Variants in MGAM2 observed in about 807,000 individuals in gnomAD.
The protein encoded by MGAM2 is maltase-glucoamylase 2 (putative), also known as probable maltase-glucoamylase 2.
A neutral mutation model predicts 96.1 loss-of-function variants in MGAM2; 98 were observed. The ratio of observed to expected loss-of-function variants is 1.02; its 90% CI spans 0.87 to 1.21. The LOEUF (loss-of-function observed/expected upper bound fraction) is 1.21, where lower values mean the gene tolerates loss of function less well. MGAM2 is among the 50% of genes most tolerant of loss of function. The probability of loss-of-function intolerance (pLI) is 0.00; values close to 1 mark genes in which losing one functional copy is unlikely to be tolerated. For missense variants in MGAM2, 2,055 were observed against 1,182.4 expected (o/e 1.74, Z -10.82); for synonymous variants, 749 against 414.8 (o/e 1.81, Z -9.79).
In MGAM2 at chr7:142,136,548, T is replaced by C. The variant is rs138626644; in HGVS notation, c.755T>C (p.Ile252Thr). ...TRDATPTEGM[I>T]NLYGAHTFFL... ...CTTCTGTTTTGCTGATAGGGCATGA[T>C]TAATCTGTATGGAGCTCATACATTC... The change falls in exon 8 of 48, where the codon ATT becomes ACT. Residue 252 changes from isoleucine (I) to threonine (T), a missense_variant. Ile to Thr is a moderately conservative substitution (Grantham distance 89). Transcript: ENST00000477922. 176 of 690,738 alleles carry C rather than the reference T, an allele frequency of 2.5e-4. No homozygotes were observed. In the African/African-American group the frequency reaches 3.0e-3, roughly 12 times the overall value. The allele number at this position is 690,738 out of a possible 1,614,324, so 42.8% of individuals were successfully genotyped here.
chr7:142,201,071 C>CTTTTTTTTTTTTTTTTTTTTTTT lies in MGAM2; in HGVS notation c.5137+1113_5137+1114insTTTTTTTTTTTTTTTTTTTTTTT, dbSNP rs72092512. On this transcript the variant is annotated intron_variant, in intron 45 of 47. Transcript: ENST00000477922. Reference sequence around the variant, plus strand: ...CATTGTTATAAATAACATCCTTTTTCTTTTTTTTTTCTTTTTTTTTTTTTT... The same window carrying CTTTTTTTTTTTTTTTTTTTTTTT: ...CATTGTTATAAATAACATCCTTTTTCTTTTTTTTTTTTTTTTTTTTTTTTTTTTTTTTTCTTTTTTTTTTTTTT... Among the ~76,000 whole-genome samples the CTTTTTTTTTTTTTTTTTTTTTTT allele has an allele frequency of 1.3e-4, 11 of 84,360 alleles. 2 individuals are homozygous for CTTTTTTTTTTTTTTTTTTTTTTT. Among genetic ancestry groups the CTTTTTTTTTTTTTTTTTTTTTTT allele is most frequent in the Non-Finnish European group, 1.3e-4 (6 of 46,992 alleles). 55.3% of individuals were successfully genotyped at this position (84,360 alleles called of 152,430 possible). A position where few individuals can be genotyped will look rare whatever the true frequency, so the allele number is the denominator to read the frequency against.
chr7:142,183,949 CCTT>C (rs1563281532), intron 33 of MGAM2, among the ~76,000 whole-genome samples: 2 of 83,196 alleles, frequency 2.4e-5, no homozygotes, highest in African/African-American at 7.5e-5. Context: ...ATTCCAGGCT[CCTT>C]TTTTTTTTTT....
At chr7:142,124,494 G>T (rs982640344) in intron 3 of MGAM2, among the ~76,000 whole-genome samples, 6 of 152,116 alleles carry the variant, frequency 3.9e-5, no homozygotes, top group African/African-American at 1.2e-4. Flanking sequence ...ATGTGTGGTT[G>T]TAGAAGTCCT....
At chr7:142,161,912 G>C (rs1173643788) in intron 22 of MGAM2, 43 bp from the exon 23 acceptor site, 1 of 663,284 alleles carries the variant, frequency 1.5e-6, no homozygotes, top group Non-Finnish European at 2.7e-6. Context: ...CTCCCTGGCT[G>C]ATTGGCTTCC....
chr7:142,209,856 C>G (rs912662090), intron 46 of MGAM2, among the ~76,000 whole-genome samples: 11 of 152,176 alleles, frequency 7.2e-5, no homozygotes, highest in Non-Finnish European at 1.6e-4. Context: ...TGTGACCAGC[C>G]TAATTTGAAA....
At chr7:142,166,337 AG>A in intron 25 of MGAM2, 84 bp downstream of exon 25, 1 of 597,348 alleles carries the variant, frequency 1.7e-6, no homozygotes, top group South Asian at 2.1e-5. Flanking sequence ...TGTGGCTTGA[AG>A]AAAACCAGGA....
intron 3 of MGAM2, among the ~76,000 whole-genome samples, chr7:142,123,832 G>A (rs1794655404): frequency 6.6e-6 from 1 of 151,864 alleles, no homozygotes; most frequent in African/African-American, 2.4e-5. Flanking sequence ...AGTAATTCTT[G>A]CCTACTCCGA....
intron 45 of MGAM2, chr7:142,208,141 AG>A (rs1323366331): frequency 4.4e-6 from 2 of 458,542 alleles, no homozygotes; most frequent in African/African-American, 4.0e-5. Context: ...ATTAAGTACA[AG>A]AGTTGGGATT....
chr7:142,212,838 A>G (rs1224048427), intron 46 of MGAM2, among the ~76,000 whole-genome samples: 3 of 152,218 alleles, frequency 2.0e-5, no homozygotes, highest in Non-Finnish European at 4.4e-5. Context: ...AGCAGATGTA[A>G]TAGACATCTA....
chr7:142,155,048 T>C (rs1795698127), intron 17 of MGAM2, among the ~76,000 whole-genome samples: 1 of 152,212 alleles, frequency 6.6e-6, no homozygotes, highest in Non-Finnish European at 1.5e-5. Context: ...TGAAAGATTT[T>C]ATTCTTGGAA....
intron 3 of MGAM2, among the ~76,000 whole-genome samples, chr7:142,130,548 A>G (rs1794854871): frequency 6.6e-6 from 1 of 152,008 alleles, no homozygotes; most frequent in South Asian, 2.1e-4. Context: ...CTTACCTTTC[A>G]CTTACCTGGA....
chr7:142,160,161 T>C lies in MGAM2; in HGVS notation c.2248T>C (p.Leu750=), dbSNP rs1368376126. 1.3e-5 allele frequency: 9 copies of C among 702,566 alleles called. No homozygotes were observed. Among genetic ancestry groups the C allele is most frequent in the African/African-American group, 7.0e-5 (4 of 57,242 alleles). 43.5% of individuals were successfully genotyped at this position (702,566 alleles called of 1,614,324 possible). Residue 750 remains leucine (L), a synonymous_variant, in exon 21 of 48, where the codon TTG becomes CTG. Transcript: ENST00000477922. ...AGTGGCCATCTCATGGAGGAAACAG[T>C]TGGTGAATATGCTTCTCCCAGGTGA... ...TGVAISWRKQ[L]VNMLLPGDKI...
Position 142,190,625 on chromosome 7 carries a change from G to A in MGAM2, c.4346+1120G>A, listed in dbSNP as rs186912959. 1.3e-4 allele frequency among the ~76,000 whole-genome samples: 20 copies of A among 151,992 alleles called. No homozygotes were observed. The East Asian group carries it at 3.5e-3, about 26-fold the overall frequency. On this transcript the variant is annotated intron_variant, in intron 37 of 47. Transcript: ENST00000477922. Reference sequence around the variant, plus strand: ...TATGATAAAATGTATAAGAGTTGCAGTTCCTCCACATCCTTGCCAACACTC... The same window carrying A: ...TATGATAAAATGTATAAGAGTTGCAATTCCTCCACATCCTTGCCAACACTC...
intron 43 of MGAM2, among the ~76,000 whole-genome samples, 153 bp downstream of exon 43, chr7:142,198,348 A>G (rs1181421589): frequency 2.0e-5 from 3 of 152,162 alleles, no homozygotes; most frequent in Non-Finnish European, 4.4e-5. Context: ...CATGTATAAG[A>G]GCATAGACGA....
At chr7:142,141,931 C>G (rs1402060869) in intron 12 of MGAM2, among the ~76,000 whole-genome samples, 1 of 152,148 alleles carries the variant, frequency 6.6e-6, no homozygotes, top group Non-Finnish European at 1.5e-5. Context: ...TACTTTAAAT[C>G]AAATCACATA....
At chr7:142,171,136 A>G (rs1796171833) in intron 27 of MGAM2, 136 bp from the exon 28 acceptor site, 1 of 689,576 alleles carries the variant, frequency 1.5e-6, no homozygotes, top group South Asian at 1.5e-5. Context: ...GACCTGGGTC[A>G]TGTCACAGTA....
chr7:142,116,994 T>C lies in MGAM2; in HGVS notation c.106+15T>C. The C allele has an allele frequency of 8.5e-6, 6 of 703,008 alleles. No individual in the cohort carries two copies. Among genetic ancestry groups the C allele is most frequent in the Non-Finnish European group, 1.6e-5 (6 of 384,962 alleles). 43.5% of individuals were successfully genotyped at this position (703,008 alleles called of 1,614,324 possible). A position where few individuals can be genotyped will look rare whatever the true frequency, so the allele number is the denominator to read the frequency against. ...GGAAACTTCAGGTAAGGGAGATGCT[T>C]GTAGGTTGGAAGGCTGGGTAAAGGA... On this transcript the variant is annotated intron_variant, in intron 2 of 47. Coordinates refer to ENST00000477922, the MANE Select transcript of MGAM2 (RefSeq NM_001293626.2).
chr7:142,213,778 A>G (rs1408421292), intron 46 of MGAM2, among the ~76,000 whole-genome samples: 2 of 152,138 alleles, frequency 1.3e-5, no homozygotes. Context: ...TCCTGAAACT[A>G]TTCCAAACAA....
Position 142,186,028 on chromosome 7 carries a change from A to G in MGAM2, c.4027A>G (p.Asn1343Asp). The change falls in exon 35 of 48, where the codon AAT becomes GAT. Residue 1343 changes from asparagine to aspartate, a missense_variant. Physicochemically the swap from Asn to Asp is conservative, Grantham distance 23. Coordinates refer to ENST00000477922, the MANE Select transcript of MGAM2 (RefSeq NM_001293626.2). ...CGTTGCCTTTCCTGACTTCTTTCGT[A>G]ATAGCACAGCTGCGTGGTGGAAGAA... Reference protein sequence around the residue: ...AYVAFPDFFRNSTAAWWKKEI... With the variant: ...AYVAFPDFFRDSTAAWWKKEI... The G allele has an allele frequency of 2.8e-6, 2 of 704,286 alleles. No homozygotes were observed. The highest frequency in any genetic ancestry group is 5.2e-6 in the Non-Finnish European group (2 of 385,072). 43.6% of individuals were successfully genotyped at this position (704,286 alleles called of 1,614,324 possible).
Sources: gnomAD v4.1 joint callset for allele counts (sites outside exome capture counted in the v4.1 genomes callset) on GRCh38, gnomAD v4.1.1 for gene constraint, MANE v1.5 for transcripts, NCBI Gene and HGNC (gene_info 2026-07-23, HGNC 2026-07-21) for gene names.